PRIM2: variants seen among roughly 807,000 people sequenced by gnomAD.
PRIM2 encodes DNA primase large subunit.
Under a neutral mutation model 67.3 loss-of-function variants are expected in PRIM2, and 39 were observed. The observed-to-expected ratio is 0.58, with a 90% CI of 0.45 to 0.76. PRIM2 has a LOEUF of 0.76. Ranked by LOEUF, PRIM2 falls within the 30% of genes least tolerant of loss-of-function variation. PRIM2 has a pLI of 0.00. For synonymous variants in PRIM2, 143 were observed against 198.7 expected, an observed-to-expected ratio of 0.72 and a Z score of 2.36; for missense variants, 398 against 598.7, an observed-to-expected ratio of 0.66 and a Z score of 3.50.
intron 9 of PRIM2, among the ~76,000 whole-genome samples, chr6:57,536,710 G>C (rs1775009481): frequency 6.6e-6 from 1 of 152,186 alleles, no homozygotes. Flanking sequence ...ATTCTGCTGA[G>C]TAAAAAATGA....
At chr6:57,241,609 G>A in the PRIM2 span, among the ~76,000 whole-genome samples, 1 of 151,280 alleles carries the variant, frequency 6.6e-6, no homozygotes, top group Admixed American at 6.6e-5. Context: ...AAAGTCTTTG[G>A]AAACAAGAAT....
At chr6:57,543,224 C>T (rs1370038574) in intron 10 of PRIM2, among the ~76,000 whole-genome samples, 1 of 151,956 alleles carries the variant, frequency 6.6e-6, no homozygotes, top group African/African-American at 2.4e-5. Context: ...CAGGCGTGAG[C>T]CACCGCGCCC....
At chr6:57,584,975 T>A (rs1776162959) in intron 10 of PRIM2, among the ~76,000 whole-genome samples, 1 of 152,220 alleles carries the variant, frequency 6.6e-6, no homozygotes, top group East Asian at 1.9e-4. Context: ...TTCTCACCGA[T>A]GAGAAATGAA....
chr6:57,506,521 T>G (rs1161991333), intron 7 of PRIM2, among the ~76,000 whole-genome samples: 1 of 152,084 alleles, frequency 6.6e-6, no homozygotes, highest in African/African-American at 2.4e-5. Context: ...GTTAAATGAT[T>G]GATTAGTAAA....
intron 7 of PRIM2, among the ~76,000 whole-genome samples, chr6:57,476,361 C>A (rs1396590811): frequency 0.013 from 1,933 of 152,250 alleles, 39 homozygotes; most frequent in African/African-American, 0.043. Flanking sequence ...AAGTTAATGG[C>A]AGATTTAATG....
the PRIM2 span, among the ~76,000 whole-genome samples, chr6:57,237,462 T>C: frequency 6.6e-6 from 1 of 152,228 alleles, no homozygotes; most frequent in Non-Finnish European, 1.5e-5. Flanking sequence ...GCCATTGCTT[T>C]TGGTGTTTTA....
At chr6:57,432,575 A>C (rs1771873654) in intron 7 of PRIM2, among the ~76,000 whole-genome samples, 1 of 152,228 alleles carries the variant, frequency 6.6e-6, no homozygotes. Context: ...TATGGCATTA[A>C]AATAAAATTT....
chr6:57,495,461 A>G (rs1773982008), intron 7 of PRIM2, among the ~76,000 whole-genome samples: 1 of 152,218 alleles, frequency 6.6e-6, no homozygotes, highest in South Asian at 2.1e-4. Flanking sequence ...TGAAGTACTA[A>G]CCAAATGAAT....
chr6:57,348,887 T>A (rs1368306980), intron 5 of PRIM2, among the ~76,000 whole-genome samples: 1 of 151,604 alleles, frequency 6.6e-6, no homozygotes, highest in Non-Finnish European at 1.5e-5. Flanking sequence ...GCTGGGACTA[T>A]AGGTGTGTGC....
intron 7 of PRIM2, among the ~76,000 whole-genome samples, chr6:57,418,841 C>T (rs62401676): frequency 6.6e-6 from 1 of 152,124 alleles, no homozygotes; most frequent in Non-Finnish European, 1.5e-5. Flanking sequence ...GATTAATTAT[C>T]TGCTTGCCAA....
At chr6:57,383,786 T>C (rs6905189) in intron 7 of PRIM2, among the ~76,000 whole-genome samples, 6,078 of 152,246 alleles carry the variant, frequency 0.04, 399 homozygotes, top group African/African-American at 0.14. Context: ...TGAATTAACC[T>C]ATTCTGGAAC....
chr6:57,227,306 G>A, the PRIM2 span, among the ~76,000 whole-genome samples: 3 of 152,160 alleles, frequency 2.0e-5, no homozygotes, highest in Non-Finnish European at 4.4e-5. Flanking sequence ...ATTTTCAAGA[G>A]CTTATTCACA....
At chr6:57,325,122 A>G (rs2127274449) in intron 4 of PRIM2, among the ~76,000 whole-genome samples, 1 of 152,290 alleles carries the variant, frequency 6.6e-6, no homozygotes, top group South Asian at 2.1e-4. Context: ...ATATATGTGC[A>G]TATTAAATTT....
chr6:57,384,850 CCTAA>C (rs1770087279), intron 7 of PRIM2, among the ~76,000 whole-genome samples: 1 of 152,162 alleles, frequency 6.6e-6, no homozygotes, highest in African/African-American at 2.4e-5. Flanking sequence ...TGCCCAAAAA[CCTAA>C]CTATGAAAAT....
chr6:57,585,640 C>G (rs1776174893), intron 10 of PRIM2, among the ~76,000 whole-genome samples: 2 of 152,038 alleles, frequency 1.3e-5, no homozygotes, highest in Non-Finnish European at 2.9e-5. Flanking sequence ...CGAGGGTGAT[C>G]AAATATTGAA....
At chr6:57,403,307 A>C (rs1457515236) in intron 7 of PRIM2, among the ~76,000 whole-genome samples, 1 of 135,052 alleles carries the variant, frequency 7.4e-6, no homozygotes, top group Admixed American at 8.5e-5. Flanking sequence ...CCCAGGCTGG[A>C]GTGCAGTGGC....
intron 5 of PRIM2, among the ~76,000 whole-genome samples, chr6:57,373,679 C>T (rs1053824290): frequency 5.9e-5 from 9 of 152,216 alleles, no homozygotes; most frequent in Admixed American, 5.2e-4. Flanking sequence ...AGCCAGTTCT[C>T]ACAGCACCAT....
In PRIM2 at chr6:57,646,138, T is replaced by G; in HGVS notation, c.1510T>G (p.Tyr504Asp). 1.3e-6 allele frequency: 2 copies of G among 1,577,042 alleles called. No individual in the cohort carries two copies. Among genetic ancestry groups the G allele is most frequent in the South Asian group, 1.1e-5 (1 of 90,038 alleles). The stretch of plus-strand genomic sequence containing the variant: ...AATGGATATGGAAGGACTAGAAGAT[T>G]ACTTTAGTGAAGATTCTTAGGCAGT... ...LEMDMEGLED[Y>D]FSEDS The change falls in exon 14 of 14, where the codon TAC becomes GAC. Residue 504 changes from tyrosine (Y) to aspartate (D), a missense_variant. This residue lies in a region of PRIM2 where 72 missense variants were observed against 89.4 expected (regional missense o/e 0.81). Transcript: ENST00000615550.
chr6:57,318,357 T>A (rs1024091850), intron 1 of PRIM2, 80 bp from the exon 2 acceptor site: 2 of 1,363,450 alleles, frequency 1.5e-6, no homozygotes, highest in Non-Finnish European at 2.0e-6. Context: ...GTTTGTGGAA[T>A]TATTTTTTCG....
Sources: allele counts gnomAD v4.1 joint callset (sites outside exome capture counted in the v4.1 genomes callset), GRCh38; gene constraint gnomAD v4.1.1; regional missense constraint gnomAD v4.1.1; transcripts MANE v1.5; gene names NCBI Gene and HGNC (gene_info 2026-07-23, HGNC 2026-07-21).